The following RGS5 variants were observed in gnomAD, a reference collection of about 807,000 sequenced individuals.
RGS5 encodes regulator of G protein signaling 5.
Under a neutral mutation model 18.9 loss-of-function variants are expected in RGS5, and 20 were observed. The observed-to-expected ratio is 1.06, with a 90% CI of 0.74 to 1.54. RGS5 has a LOEUF of 1.54. RGS5 is among the 40% of genes most tolerant of loss of function. The pLI, the probability that RGS5 is intolerant of heterozygous loss-of-function variation, is 0.00. For missense variants in RGS5, 201 were observed against 211.8 expected (o/e 0.95, Z 0.32); for synonymous variants, 57 against 76.2 (o/e 0.75, Z 1.31).
chr1:163,271,409 C>T (rs1002403516), intron 2 of RGS5, among the ~76,000 whole-genome samples: 2 of 152,092 alleles, frequency 1.3e-5, no homozygotes, highest in African/African-American at 2.4e-5. Flanking sequence ...GAAAGAGACT[C>T]GGGCTCGCTG....
At position 163,147,462 on chromosome 1, in the gene RGS5, G is replaced by C; in HGVS notation, c.426C>G (p.Asn142Lys). 3.1e-6 allele frequency: 5 copies of C among 1,611,058 alleles called. No homozygotes were observed. The highest frequency in any genetic ancestry group is 4.2e-6 in the Non-Finnish European group (5 of 1,178,500). ...AGCTGCTCAGGGAAGGTTCCACCAG[G>C]TTCTTCATTGTGATGTCCTTAGTGA... Reference protein sequence around the residue: ...DHFTKDITMKNLVEPSLSSFD... With the variant: ...DHFTKDITMKKLVEPSLSSFD... Residue 142 changes from asparagine (N) to lysine (K), a missense_variant, in exon 5 of 5, where the codon AAC becomes AAG. Transcript: ENST00000313961.
rs140845359 is a variant in RGS5, at chr1:163,261,179, A to G, written c.-281+45054T>C. On this transcript the variant is annotated intron_variant, in intron 2 of 5. Coordinates refer to the RGS5 transcript ENST00000618415. ...CCTCTTCTTTCCCCAGTTTGAATCT[A>G]AGATTAGTTGGGGAGCTTATATAGG... Among the ~76,000 whole-genome samples the G allele has an allele frequency of 2.0e-3, 301 of 152,302 alleles. 1 individual carries two copies. The highest frequency in any genetic ancestry group is 7.0e-3 in the African/African-American group (291 of 41,560).
At chr1:163,222,600 C>T (rs527684893), upstream of RGS5, among the ~76,000 whole-genome samples, 47 of 152,130 alleles carry the variant, frequency 3.1e-4, 1 homozygote, top group Admixed American at 2.4e-3. Flanking sequence ...TATTAAATAG[C>T]GACAGGTCCC....
At chr1:163,181,677 G>A (rs540040093) in intron 1 of RGS5, among the ~76,000 whole-genome samples, 1 of 152,178 alleles carries the variant, frequency 6.6e-6, no homozygotes, top group East Asian at 1.9e-4. Flanking sequence ...TGTACTCCCA[G>A]TTAGATAGCA....
Position 163,254,924 on chromosome 1 carries a change from T to C in RGS5, c.-281+51309A>G, listed in dbSNP as rs548696965. ...TAGGGAATCCTTTCCCCATTGCTTG[T>C]TTTTCTCAGGTTTGTCAAAGATCAG... On this transcript the variant is annotated intron_variant, in intron 2 of 5. Coordinates refer to the RGS5 transcript ENST00000618415. Among the ~76,000 whole-genome samples the C allele has an allele frequency of 2.2e-3, 331 of 151,916 alleles. 1 individual carries two copies. The highest frequency in any genetic ancestry group is 7.8e-3 in the African/African-American group (324 of 41,440).
chr1:163,200,362 C>T (rs1216754645), intron 1 of RGS5, among the ~76,000 whole-genome samples: 1 of 152,006 alleles, frequency 6.6e-6, no homozygotes, highest in African/African-American at 2.4e-5. Context: ...GTATTTGTTG[C>T]CCTAATTTAT....
chr1:163,226,537 T>C (rs1298494481), intron 2 of RGS5, among the ~76,000 whole-genome samples: 1 of 152,140 alleles, frequency 6.6e-6, no homozygotes, highest in African/African-American at 2.4e-5. Context: ...GACCAAGACC[T>C]CTGAAAAACA....
exon 2 of RGS5, chr1:163,306,254 A>C (rs1225787072): frequency 6.6e-6 from 1 of 152,236 alleles, no homozygotes; most frequent in African/African-American, 2.4e-5. Flanking sequence ...AGAGACCCGA[A>C]GTGTCACCAA....
At chr1:163,287,318 C>G (rs1278946363) in intron 2 of RGS5, among the ~76,000 whole-genome samples, 1 of 152,176 alleles carries the variant, frequency 6.6e-6, no homozygotes, top group Non-Finnish European at 1.5e-5. Flanking sequence ...TAGCCTTTAT[C>G]TGGAAACTGG....
chr1:163,317,484 C>T (rs1047293372), intron 1 of RGS5, among the ~76,000 whole-genome samples: 9 of 152,218 alleles, frequency 5.9e-5, no homozygotes, highest in Non-Finnish European at 1.2e-4. Flanking sequence ...CCAGTATAAA[C>T]TGCCATCTTT....
At chr1:163,245,068 A>G (rs538544164) in intron 2 of RGS5, 37 of 152,370 alleles carry the variant, frequency 2.4e-4, no homozygotes, top group Admixed American at 2.3e-3. Flanking sequence ...TATTGAATAT[A>G]GTCTGCTGAG....
At chr1:163,319,577 T>A (rs1029263524) in intron 1 of RGS5, among the ~76,000 whole-genome samples, 5 of 152,214 alleles carry the variant, frequency 3.3e-5, no homozygotes, top group Non-Finnish European at 7.3e-5. Flanking sequence ...TATCACTTTG[T>A]GTCATTTTCT....
intron 1 of RGS5, among the ~76,000 whole-genome samples, chr1:163,182,537 G>A (rs555449650): frequency 9.3e-4 from 142 of 152,274 alleles, no homozygotes; most frequent in African/African-American, 3.3e-3. Flanking sequence ...GTAGGTTACT[G>A]GGGGTAAGGA....
rs544704083 is a variant in RGS5 at position 163,227,629 on chromosome 1, T to C, written c.-280-59261A>G. On this transcript the variant is annotated intron_variant, in intron 2 of 5. Transcript: ENST00000618415. ...GTCCTCACATTTCAAAACACAATCA[T>C]GCCCTTCCAACAGTCCCCCAAAGTC... Among the ~76,000 whole-genome samples the C allele has an allele frequency of 1.1e-4, 15 of 134,846 alleles. No homozygotes were observed. In the South Asian group the frequency reaches 4.0e-3, roughly 36 times the overall value. The allele number at this position is 134,846 out of a possible 152,430, so 88.5% of individuals were successfully genotyped here. A position where few individuals can be genotyped will look rare whatever the true frequency, so the allele number is the denominator to read the frequency against.
intron 1 of RGS5, among the ~76,000 whole-genome samples, chr1:163,194,645 CTG>C (rs1463230079): frequency 2.0e-5 from 3 of 151,954 alleles, no homozygotes; most frequent in Non-Finnish European, 4.4e-5. Flanking sequence ...TCTAAAAAGA[CTG>C]TGTTTTTCAA....
At chr1:163,197,755 T>G (rs1460378663) in intron 1 of RGS5, among the ~76,000 whole-genome samples, 1 of 152,194 alleles carries the variant, frequency 6.6e-6, no homozygotes, top group African/African-American at 2.4e-5. Flanking sequence ...ATATCAGGTA[T>G]AGTAAGCTTG....
upstream of RGS5, among the ~76,000 whole-genome samples, chr1:163,204,776 G>A (rs948417232): frequency 6.6e-6 from 1 of 152,068 alleles, no homozygotes; most frequent in African/African-American, 2.4e-5. Flanking sequence ...CTAATAAAGG[G>A]AATATAAAAC....
At chr1:163,265,591 C>T (rs1298695913) in intron 2 of RGS5, among the ~76,000 whole-genome samples, 1 of 152,096 alleles carries the variant, frequency 6.6e-6, no homozygotes, top group Admixed American at 6.6e-5. Context: ...CTATATCTCT[C>T]CTTCCTTTAA....
At chr1:163,232,846 T>C (rs1242510309) in intron 2 of RGS5, among the ~76,000 whole-genome samples, 1 of 152,186 alleles carries the variant, frequency 6.6e-6, no homozygotes, top group Non-Finnish European at 1.5e-5. Flanking sequence ...CAGTATGAAG[T>C]ACAGCATAGA....
Sources: allele counts gnomAD v4.1 joint callset (sites outside exome capture counted in the v4.1 genomes callset), GRCh38; gene constraint gnomAD v4.1.1; transcripts MANE v1.5; gene names NCBI Gene and HGNC (gene_info 2026-07-23, HGNC 2026-07-21).